PCDHA2: variants seen among roughly 807,000 people sequenced by gnomAD.
PCDHA2 encodes protocadherin alpha 2.
In PCDHA2, 58 loss-of-function variants were observed where a neutral mutation model predicts 66.0. The observed-to-expected ratio is 0.88, with a 90% CI of 0.71 to 1.09. The LOEUF (loss-of-function observed/expected upper bound fraction) is 1.09. Ranked by LOEUF, PCDHA2 falls within the 50% of genes least tolerant of loss-of-function variation. The pLI, the probability that PCDHA2 is intolerant of heterozygous loss-of-function variation, is 0.00. For missense variants in PCDHA2, 1,267 were observed against 1,242.3 expected (o/e 1.02, Z -0.30); for synonymous variants, 634 against 554.0 (o/e 1.14, Z -2.03).
intron 1 of PCDHA2, among the ~76,000 whole-genome samples, chr5:140,900,353 C>T (rs1426808430): frequency 6.6e-6 from 1 of 152,092 alleles, no homozygotes; most frequent in Non-Finnish European, 1.5e-5. Flanking sequence ...TCTTGGCTCA[C>T]CGCAACCTCT....
At chr5:140,925,689 G>C (rs1341368297) in intron 1 of PCDHA2, among the ~76,000 whole-genome samples, 1 of 147,806 alleles carries the variant, frequency 6.8e-6, no homozygotes, top group Non-Finnish European at 1.5e-5. Flanking sequence ...AGCGAGGGTG[G>C]GTATCTAGCC....
At chr5:140,938,752 A>G (rs1213369856) in intron 1 of PCDHA2, among the ~76,000 whole-genome samples, 1 of 152,146 alleles carries the variant, frequency 6.6e-6, no homozygotes, top group Non-Finnish European at 1.5e-5. Flanking sequence ...TTTTAAAGGC[A>G]TAGTTATTGG....
chr5:140,982,499 C>T lies in PCDHA2; in HGVS notation c.2472C>T (p.Gly824=). The T allele has an allele frequency of 6.2e-7, 1 of 1,614,184 alleles. No individual in the cohort carries two copies. The highest frequency in any genetic ancestry group is 8.5e-7 in the Non-Finnish European group (1 of 1,180,024). The part of the protein sequence containing the change: ...MHSSVHLEEA[G]ILRAGPGGPD... Reference sequence around the variant, plus strand: ...GCTCTGTGCACCTAGAGGAGGCTGGCATTCTACGGGCTGGTCCAGGAGGGC... The same window carrying T: ...GCTCTGTGCACCTAGAGGAGGCTGGTATTCTACGGGCTGGTCCAGGAGGGC... The change falls in exon 3 of 4, where the codon GGC becomes GGT. Residue 824 remains glycine (G), a synonymous_variant. Transcript: ENST00000526136.
intron 1 of PCDHA2, chr5:140,843,679 C>A (rs2150364894): frequency 1.3e-6 from 2 of 1,589,886 alleles, no homozygotes; most frequent in African/African-American, 1.3e-5. Context: ...TTGATGTAGG[C>A]GAAGAGCAAG....
At chr5:140,849,062 A>G (rs2040761677) in intron 1 of PCDHA2, 2 of 1,547,906 alleles carry the variant, frequency 1.3e-6, no homozygotes, top group South Asian at 1.1e-5. Context: ...ACCAGCAGGT[A>G]AAACCTCTTG....
In PCDHA2 at chr5:141,010,605, A is replaced by G. The variant is rs2098417765; in HGVS notation, c.*668A>G. ...AAAGTCTGTTGGCTGTGACGTCATT[A>G]TACCTAAAATCTGCATCATACCTGC... On this transcript the variant is annotated 3_prime_UTR_variant, in exon 4 of 4. Transcript: ENST00000526136. 1 of 206,202 alleles carries G rather than the reference A, an allele frequency of 4.8e-6. No individual in the cohort carries two copies. Among genetic ancestry groups the G allele is most frequent in the Non-Finnish European group, 9.9e-6 (1 of 101,122 alleles). 12.8% of individuals were successfully genotyped at this position (206,202 alleles called of 1,614,324 possible). A position where few individuals can be genotyped will look rare whatever the true frequency, so the allele number is the denominator to read the frequency against.
rs2150156470 is a variant in PCDHA2 at position 140,828,534 on chromosome 5, C to T, written c.2388+31182C>T. 6.2e-6 allele frequency: 10 copies of T among 1,614,104 alleles called. No homozygotes were observed. The Admixed American group carries it at 1.7e-4, about 27-fold the overall frequency. On this transcript the variant is annotated intron_variant, in intron 1 of 3. Transcript: ENST00000526136. ...GTGCTGATTTACGAATCTAGGCTGCCAGATTCTGTGTTTCCACTGGAGGGC... is the reference window on the plus strand; with the variant it reads ...GTGCTGATTTACGAATCTAGGCTGCTAGATTCTGTGTTTCCACTGGAGGGC...
chr5:140,801,319 A>G, intron 1 of PCDHA2: 2 of 1,613,348 alleles, frequency 1.2e-6, no homozygotes, highest in Non-Finnish European at 1.7e-6. Context: ...GAGGCCAAGC[A>G]TGGCACCTTC....
chr5:140,845,791 T>C (rs1780035450), intron 1 of PCDHA2, among the ~76,000 whole-genome samples: 1 of 149,740 alleles, frequency 6.7e-6, no homozygotes, highest in Admixed American at 6.7e-5. Flanking sequence ...AATAATAAAC[T>C]CTGGCAAGTG....
At chr5:140,824,211 A>C (rs1238500451) in intron 1 of PCDHA2, 1 of 1,581,562 alleles carries the variant, frequency 6.3e-7, no homozygotes, top group East Asian at 2.2e-5. Context: ...TTTTGTATTT[A>C]AAAATTATGT....
chr5:140,876,976 C>A (rs782283591), intron 1 of PCDHA2: 2 of 1,612,586 alleles, frequency 1.2e-6, no homozygotes, highest in Admixed American at 1.7e-5. Context: ...GGTGGGCGAG[C>A]ACGCACTGTC....
rs782380359 is a variant in PCDHA2 at position 140,858,226 on chromosome 5, C to T, written c.2388+60874C>T. ...CACTGAGGTGCTCGGCGGCGCCCAC[C>T]GAGGGCGCATGTGGGCCGGTGAAGC... On this transcript the variant is annotated intron_variant, in intron 1 of 3. Transcript: ENST00000526136. 1.3e-5 allele frequency: 21 copies of T among 1,595,412 alleles called. 1 individual carries two copies. The highest frequency in any genetic ancestry group is 1.6e-5 in the Non-Finnish European group (19 of 1,165,410).
At position 140,927,553 on chromosome 5, in the gene PCDHA2, A is replaced by G. The variant is rs782577411; in HGVS notation, c.2389-51396A>G. 1.3e-5 allele frequency: 21 copies of G among 1,614,030 alleles called. No homozygotes were observed. The highest frequency in any genetic ancestry group is 9.3e-5 in the African/African-American group (7 of 74,932). ...CCGCTCAGGAGACGCACAAGTCACC[A>G]TCATTGTGGTGGACACAAATGACAA... On this transcript the variant is annotated intron_variant, in intron 1 of 3. Coordinates refer to ENST00000526136, the MANE Select transcript of PCDHA2 (RefSeq NM_018905.3).
chr5:140,906,585 C>T (rs782305409), intron 1 of PCDHA2, among the ~76,000 whole-genome samples: 1 of 152,208 alleles, frequency 6.6e-6, no homozygotes, highest in Non-Finnish European at 1.5e-5. Context: ...TTGATGACTA[C>T]CTTCCTCTAC....
intron 1 of PCDHA2, among the ~76,000 whole-genome samples, chr5:140,923,629 G>A (rs1350871926): frequency 6.6e-6 from 1 of 152,138 alleles, no homozygotes; most frequent in Non-Finnish European, 1.5e-5. Flanking sequence ...TTATCCAAAA[G>A]GCAAAAATCT....
chr5:140,924,901 A>AAAATAAAAT (rs1554202314), intron 1 of PCDHA2, among the ~76,000 whole-genome samples: 2 of 80,456 alleles, frequency 2.5e-5, no homozygotes, highest in African/African-American at 8.6e-5. Context: ...TCTCAAAAAA[A>AAAATAAAAT]AAAATAAAAT....
In PCDHA2 at chr5:140,838,192, C is replaced by CA. The variant is rs1413754072; in HGVS notation, c.2388+40844dup. ...GCAGTGGTGCAATCTCAGCTCACTG[C>CA]AAAATCCGCCTCTCTGGTACAAGCA... On this transcript the variant is annotated intron_variant, in intron 1 of 3. Transcript: ENST00000526136. Among the ~76,000 whole-genome samples the CA allele has an allele frequency of 5.3e-5, 8 of 149,554 alleles. 1 individual carries two copies. The highest frequency in any genetic ancestry group is 9.9e-5 in the African/African-American group (4 of 40,474).
intron 1 of PCDHA2, among the ~76,000 whole-genome samples, chr5:140,798,440 C>T (rs1436218593): frequency 2.6e-5 from 4 of 152,156 alleles, no homozygotes; most frequent in Admixed American, 2.6e-4. Context: ...TTAAAAATCA[C>T]ACTGGGGTTT....
At chr5:140,851,069 A>T in intron 1 of PCDHA2, 1 of 1,353,390 alleles carries the variant, frequency 7.4e-7, no homozygotes, top group Non-Finnish European at 9.7e-7. Flanking sequence ...TCTAGTGAGA[A>T]TTATAAACTG....
Sources: allele counts gnomAD v4.1 joint callset (sites outside exome capture counted in the v4.1 genomes callset), GRCh38; gene constraint gnomAD v4.1.1; transcripts MANE v1.5; gene names NCBI Gene and HGNC (gene_info 2026-07-23, HGNC 2026-07-21).